The following CCDC18 variants were observed in gnomAD, a reference collection of about 807,000 sequenced individuals.
CCDC18 encodes coiled-coil domain-containing protein 18.
A neutral mutation model predicts 196.0 loss-of-function variants in CCDC18; 157 were observed. That is an observed-to-expected ratio of 0.80 (90% CI 0.70 to 0.91). The LOEUF (loss-of-function observed/expected upper bound fraction) is 0.91, where lower values mean the gene tolerates loss of function less well. Among genes scored for constraint, CCDC18 ranks in the 40% least tolerant of loss-of-function variants. CCDC18 has a pLI of 0.00. For missense variants in CCDC18, 1,465 were observed against 1,611.6 expected, an observed-to-expected ratio of 0.91 and a Z score of 1.56; for synonymous variants, 482 against 529.2, an observed-to-expected ratio of 0.91 and a Z score of 1.22.
chr1:93,246,185 T>G lies in CCDC18; in HGVS notation c.3062T>G (p.Leu1021Arg), dbSNP rs770841813. Residue 1021 changes from leucine (L) to arginine (R), a missense_variant, in exon 22 of 29, where the codon CTA becomes CGA. Transcript: ENST00000690025. ...GCACTTAAAGAGAGAAATTGGGAAC[T>G]AAAGCAAAGAGCAGCTCAGGTTGAT... ...DQALKERNWELKQRAAQVTHL... is the reference protein window; with the variant it reads ...DQALKERNWERKQRAAQVTHL... 2.0e-5 allele frequency: 32 copies of G among 1,604,806 alleles called. No individual in the cohort carries two copies. The highest frequency in any genetic ancestry group is 2.6e-5 in the Non-Finnish European group (30 of 1,175,758).
intron 25 of CCDC18, among the ~76,000 whole-genome samples, chr1:93,257,628 G>A (rs916350087): frequency 4.6e-5 from 7 of 152,006 alleles, no homozygotes; most frequent in African/African-American, 1.7e-4. Flanking sequence ...ATTTCTGGAT[G>A]GTTAGACCAG....
intron 26 of CCDC18, among the ~76,000 whole-genome samples, chr1:93,262,762 C>T (rs893854412): frequency 3.9e-5 from 6 of 152,168 alleles, no homozygotes; most frequent in African/African-American, 1.4e-4. Flanking sequence ...CTCCACTACC[C>T]AGTGCCCCGG....
rs1663385253 is a variant in CCDC18 at position 93,258,788 on chromosome 1, C to G, written c.3587C>G (p.Ser1196Cys). 2 of 1,585,778 alleles carry G rather than the reference C, an allele frequency of 1.3e-6. No homozygotes were observed. Among genetic ancestry groups the G allele is most frequent in the Non-Finnish European group, 8.6e-7 (1 of 1,166,838 alleles). ...GNHLAEELGA[S>C]KVREAHLEAR... The stretch of plus-strand genomic sequence containing the variant: ...CATTTAGCTGAAGAACTGGGGGCTT[C>G]TAAAGTACGTGAAGCTCATTTAGAA... Residue 1196 changes from serine (S) to cysteine (C), a missense_variant, in exon 26 of 29, where the codon TCT becomes TGT. Ser to Cys is a moderately radical substitution (Grantham distance 112). Coordinates refer to ENST00000690025, the MANE Select transcript of CCDC18 (RefSeq NM_001378204.1).
At chr1:93,181,736 T>G (rs950781098) in intron 1 of CCDC18, among the ~76,000 whole-genome samples, 3 of 151,994 alleles carry the variant, frequency 2.0e-5, no homozygotes, top group African/African-American at 4.8e-5. Flanking sequence ...TGCCTCAGCC[T>G]CCCGAGTAGC....
At chr1:93,226,031 C>T (rs1658227953) in intron 16 of CCDC18, among the ~76,000 whole-genome samples, 1 of 152,118 alleles carries the variant, frequency 6.6e-6, no homozygotes, top group Non-Finnish European at 1.5e-5. Context: ...CAACTTCTCA[C>T]CACTCCCTTT....
chr1:93,258,927 T>A, intron 26 of CCDC18, 42 bp downstream of exon 26: 1 of 1,530,492 alleles, frequency 6.5e-7, no homozygotes, highest in Non-Finnish European at 8.8e-7. Flanking sequence ...CCCACTAAAG[T>A]AGGTTGACCT....
intron 28 of CCDC18, among the ~76,000 whole-genome samples, chr1:93,273,997 T>C (rs1429100683): frequency 6.6e-6 from 1 of 152,194 alleles, no homozygotes; most frequent in Non-Finnish European, 1.5e-5. Flanking sequence ...ATGAGGAAAC[T>C]GAGTCCCTGC....
At chr1:93,272,959 A>AGC (rs1665408702) in intron 28 of CCDC18, among the ~76,000 whole-genome samples, 1 of 44,588 alleles carries the variant, frequency 2.2e-5, no homozygotes, top group Non-Finnish European at 3.7e-5. Context: ...CTTGGATAAA[A>AGC]AGGGGCAGTT....
intron 4 of CCDC18, chr1:93,190,732 G>A: frequency 6.5e-6 from 3 of 460,262 alleles, no homozygotes; most frequent in Admixed American, 3.4e-5. Context: ...TAAAACAAAA[G>A]ATAACACTTA....
In CCDC18 at chr1:93,246,200, C is replaced by A; in HGVS notation, c.3077C>A (p.Ala1026Asp). The change falls in exon 22 of 29, where the codon GCT (alanine) becomes GAT (aspartate). Residue 1026 changes from alanine (A) to aspartate (D), a missense_variant. Coordinates refer to ENST00000690025, the MANE Select transcript of CCDC18 (RefSeq NM_001378204.1). ...ERNWELKQRAAQVTHLDMTIR... is the reference protein window; with the variant it reads ...ERNWELKQRADQVTHLDMTIR... ...AATTGGGAACTAAAGCAAAGAGCAGCTCAGGTTGATTTTTCTTGATTATAT... is the reference window on the plus strand; with the variant it reads ...AATTGGGAACTAAAGCAAAGAGCAGATCAGGTTGATTTTTCTTGATTATAT... 6.3e-7 allele frequency: 1 copy of A among 1,593,852 alleles called. No homozygotes were observed. The highest frequency in any genetic ancestry group is 8.5e-7 in the Non-Finnish European group (1 of 1,169,876).
intron 1 of CCDC18, 98 bp downstream of exon 1, chr1:93,180,950 G>C (rs947163447): frequency 3.5e-5 from 42 of 1,192,470 alleles, no homozygotes; most frequent in Non-Finnish European, 4.6e-5. Flanking sequence ...TTCCCTCCCG[G>C]CACCTTGGAT....
At chr1:93,207,870 A>G (rs950446070) in intron 9 of CCDC18, among the ~76,000 whole-genome samples, 12 of 152,242 alleles carry the variant, frequency 7.9e-5, no homozygotes, top group Middle Eastern at 3.2e-3. Flanking sequence ...GACATTTCAC[A>G]TAAATGAACT....
intron 6 of CCDC18, among the ~76,000 whole-genome samples, chr1:93,199,381 G>A (rs1653407349): frequency 1.3e-5 from 2 of 152,248 alleles, no homozygotes; most frequent in Admixed American, 1.3e-4. Flanking sequence ...GCTGTGGCTG[G>A]ACCAGGTATA....
chr1:93,226,598 A>G (rs184171511), intron 17 of CCDC18, 149 bp downstream of exon 17: 18 of 292,624 alleles, frequency 6.2e-5, no homozygotes, highest in African/African-American at 2.2e-4. Flanking sequence ...CAGTGTCGCA[A>G]TCTTGGCTCA....
chr1:93,245,217 T>C (rs575975567), intron 21 of CCDC18, among the ~76,000 whole-genome samples: 2 of 152,314 alleles, frequency 1.3e-5, no homozygotes, highest in South Asian at 2.1e-4. Context: ...AATCTTAAGT[T>C]CTAGCTAACA....
intron 4 of CCDC18, among the ~76,000 whole-genome samples, chr1:93,191,643 A>G (rs1651827063): frequency 6.6e-6 from 1 of 152,210 alleles, no homozygotes; most frequent in African/African-American, 2.4e-5. Flanking sequence ...TTAAATCATA[A>G]AAATTCAATA....
intron 5 of CCDC18, among the ~76,000 whole-genome samples, chr1:93,193,113 G>A (rs1007298291): frequency 6.6e-6 from 1 of 151,918 alleles, no homozygotes; most frequent in Non-Finnish European, 1.5e-5. Context: ...ACCGACTTTT[G>A]TATAATATAA....
At chr1:93,247,654 G>C (rs143486555) in intron 23 of CCDC18, among the ~76,000 whole-genome samples, 1 of 151,910 alleles carries the variant, frequency 6.6e-6, no homozygotes, top group Non-Finnish European at 1.5e-5. Context: ...GGGCTCAAGC[G>C]ATCTTCCCCC....
chr1:93,254,508 A>G lies in CCDC18; in HGVS notation c.3236A>G (p.Glu1079Gly), dbSNP rs1188959873. The G allele has an allele frequency of 1.9e-6, 3 of 1,600,996 alleles. No homozygotes were observed. Among genetic ancestry groups the G allele is most frequent in the South Asian group, 2.2e-5 (2 of 89,690 alleles). Reference protein sequence around the residue: ...SLNDKLQNAKEQLREKEFIML... With the variant: ...SLNDKLQNAKGQLREKEFIML... ...AATGACAAATTACAAAATGCTAAAG[A>G]ACAGCTTCGAGAAAAAGAGTTTATA... Residue 1079 changes from glutamate (E) to glycine (G), a missense_variant, in exon 24 of 29, where the codon GAA (glutamate) becomes GGA (glycine). Coordinates refer to ENST00000690025, the MANE Select transcript of CCDC18 (RefSeq NM_001378204.1).
Sources: allele counts gnomAD v4.1 joint callset (sites outside exome capture counted in the v4.1 genomes callset), GRCh38; gene constraint gnomAD v4.1.1; transcripts MANE v1.5; gene names NCBI Gene and HGNC (gene_info 2026-07-23, HGNC 2026-07-21).